CELSR1: variants seen among roughly 807,000 people sequenced by gnomAD.
CELSR1 encodes adhesion G protein-coupled receptor C1.
A neutral mutation model predicts 249.1 loss-of-function variants in CELSR1; 110 were observed. The observed-to-expected ratio is 0.44, with a 90% CI of 0.38 to 0.52. CELSR1 has a LOEUF of 0.52. CELSR1 is among the 20% of genes least tolerant of loss of function. The probability of loss-of-function intolerance (pLI) is 0.00; values close to 1 mark genes in which losing one functional copy is unlikely to be tolerated. For synonymous variants in CELSR1, 2,113 were observed against 1,900.0 expected (o/e 1.11, Z -2.92); for missense variants, 4,109 against 4,296.4 (o/e 0.96, Z 1.22).
rs188313520 is a variant in CELSR1 at position 46,363,850 on chromosome 22, C to A, written c.9035+146G>T. ...CTGACCTCAGCTGCAGCGCCTCCCC[C>A]CTCCCCCATCCCCGCCTGGGCTTCC... On this transcript the variant is annotated intron_variant, in intron 34 of 34. Coordinates refer to ENST00000674500, the MANE Select transcript of CELSR1 (RefSeq NM_001378328.1). The surrounding 1 kb of genome is among the most constrained non-coding windows in gnomAD (Gnocchi z 4.3). The A allele has an allele frequency of 2.3e-3, 2,545 of 1,129,814 alleles. 26 individuals carry two copies. The highest frequency in any genetic ancestry group is 0.021 in the South Asian group (1,233 of 58,022). The allele number at this position is 1,129,814 out of a possible 1,614,324, so 70.0% of individuals were successfully genotyped here. A position where few individuals can be genotyped will look rare whatever the true frequency, so the allele number is the denominator to read the frequency against.
rs1020391146 is a variant in CELSR1, at chr22:46,537,539, G to C, written c.-369C>G. Among the ~76,000 whole-genome samples, 35 of 147,952 alleles carry C rather than the reference G, an allele frequency of 2.4e-4. No homozygotes were observed. The highest frequency in any genetic ancestry group is 3.9e-4 in the Non-Finnish European group (26 of 66,452). On this transcript the variant is annotated 5_prime_UTR_variant, in exon 1 of 35. Transcript: ENST00000674500. This position sits in a 1 kb window ranked among gnomAD's most constrained non-coding sequence, Gnocchi z 5.8. ...AAGCGGGGCGGGCCCGGCGCGGGGC[G>C]GGGGCTGAGTTCCCGGAGCGGGCTG...
At chr22:46,394,007 G>A (rs375361785) in intron 14 of CELSR1, 135 bp downstream of exon 14, 5 of 1,166,718 alleles carry the variant, frequency 4.3e-6, no homozygotes, top group East Asian at 4.8e-5. Flanking sequence ...AATGTGATGT[G>A]AGTGGGCACA....
Position 46,536,817 on chromosome 22 carries a change from G to T in CELSR1, c.354C>A (p.Ala118=). ...GCCGGGCACCGGTTCCGCAGAGCCG[G>T]GCACGGGCTCCGCAGCCGGGAAGGT... ...RTHLPGCGAR[A]RLCGTGARLC... is the part of the protein sequence containing the mutation. Residue 118 remains alanine (A), a synonymous_variant, in exon 1 of 35, where the codon GCC becomes GCA. Transcript: ENST00000674500. 8.3e-7 allele frequency: 1 copy of T among 1,207,318 alleles called. No individual in the cohort carries two copies. The allele number at this position is 1,207,318 out of a possible 1,614,324, so 74.8% of individuals were successfully genotyped here.
intron 5 of CELSR1, among the ~76,000 whole-genome samples, chr22:46,426,855 C>A (rs898394705): frequency 9.9e-5 from 15 of 152,216 alleles, no homozygotes; most frequent in African/African-American, 3.6e-4. Flanking sequence ...CTTCGCCAGG[C>A]CCCAAACCTG....
At chr22:46,487,398 C>A (rs1238467316) in intron 1 of CELSR1, among the ~76,000 whole-genome samples, 2 of 149,136 alleles carry the variant, frequency 1.3e-5, no homozygotes, top group Non-Finnish European at 3.0e-5. Context: ...ATTAATTCAA[C>A]AAACATTTGC....
chr22:46,502,751 C>G (rs73888529), intron 1 of CELSR1, among the ~76,000 whole-genome samples: 3,194 of 152,230 alleles, frequency 0.021, 107 homozygotes, highest in African/African-American at 0.073. Flanking sequence ...GACAGATGAA[C>G]CCCATGATCA....
At chr22:46,367,202 A>G in intron 28 of CELSR1, 84 bp from the exon 29 acceptor site, 4 of 1,504,044 alleles carry the variant, frequency 2.7e-6, no homozygotes, top group Non-Finnish European at 2.7e-6. Context: ...ATGCGCATAC[A>G]GCCTTGAGTG....
Position 46,363,157 on chromosome 22 carries a change from G to C in CELSR1, c.*66C>G. The C allele has an allele frequency of 1.2e-6, 2 of 1,613,770 alleles. No individual in the cohort carries two copies. Among genetic ancestry groups the C allele is most frequent in the Non-Finnish European group, 1.7e-6 (2 of 1,179,920 alleles). The stretch of plus-strand genomic sequence containing the variant: ...AGGTCTGAGGGTGATGCCGCAGCCT[G>C]TGTGGGGTGACGGGCTTGCCTCACG... On this transcript the variant is annotated 3_prime_UTR_variant, in exon 35 of 35. Coordinates refer to ENST00000674500, the MANE Select transcript of CELSR1 (RefSeq NM_001378328.1). The surrounding 1 kb of genome is among the most constrained non-coding windows in gnomAD (Gnocchi z 4.3).
intron 27 of CELSR1, 114 bp from the exon 28 acceptor site, chr22:46,367,969 C>A: frequency 7.2e-7 from 1 of 1,380,488 alleles, no homozygotes; most frequent in Non-Finnish European, 9.8e-7. Context: ...TCTATCTGTC[C>A]GTCCACCTGT....
At chr22:46,475,875 A>C (rs4823554) in intron 1 of CELSR1, among the ~76,000 whole-genome samples, 100,518 of 151,914 alleles carry the variant, frequency 0.66, 33,852 homozygotes, top group East Asian at 0.85. Context: ...AAGTTGTTCC[A>C]TGTTATTCCA....
chr22:46,431,145 C>T (rs1370628884), intron 5 of CELSR1, among the ~76,000 whole-genome samples: 1 of 152,214 alleles, frequency 6.6e-6, no homozygotes, highest in African/African-American at 2.4e-5. Flanking sequence ...CTCTGTGTAT[C>T]TTCTTACATG....
At position 46,533,704 on chromosome 22, in the gene CELSR1, G is replaced by T; in HGVS notation, c.3467C>A (p.Ala1156Asp). The T allele has an allele frequency of 6.2e-7, 1 of 1,612,112 alleles. No individual in the cohort carries two copies. Among genetic ancestry groups the T allele is most frequent in the Non-Finnish European group, 8.5e-7 (1 of 1,179,808 alleles). Residue 1156 changes from alanine to aspartate, a missense_variant, in exon 1 of 35, where the codon GCC (alanine) becomes GAC (aspartate). Ala to Asp is a moderately radical substitution (Grantham distance 126, BLOSUM62 -2). Around this residue, in one of 7 missense-constraint regions of CELSR1, gnomAD observed 886 missense variants for 896.5 expected, o/e 0.99. Transcript: ENST00000674500. ...GCGGCTGAGCTGCAGTTCGCCCGTG[G>T]CGGGGTCCAGCAGCAACAGGCGCAG... ...NELRLLLLDP[A>D]TGELQLSRDL...
intron 13 of CELSR1, among the ~76,000 whole-genome samples, chr22:46,394,599 G>A (rs2079128969): frequency 6.6e-6 from 1 of 152,240 alleles, no homozygotes; most frequent in Non-Finnish European, 1.5e-5. Flanking sequence ...GGCAGACTGA[G>A]CTCAGCTGCC....
At chr22:46,384,132 T>C (rs2079007439) in intron 20 of CELSR1, among the ~76,000 whole-genome samples, 1 of 151,968 alleles carries the variant, frequency 6.6e-6, no homozygotes, top group African/African-American at 2.4e-5. Flanking sequence ...GACGGGGTTT[T>C]ACCACGTTGG....
rs779396515 is a variant in CELSR1, at chr22:46,463,797, C to T, written c.4093G>A (p.Asp1365Asn). Residue 1365 changes from aspartate (D) to asparagine (N), a missense_variant, in exon 2 of 35, where the codon GAC becomes AAC. By Grantham distance (23) the Asp-to-Asn change is conservative. This residue lies in a region of CELSR1 where 453 missense variants were observed against 492.0 expected (regional missense o/e 0.92). Coordinates refer to ENST00000674500, the MANE Select transcript of CELSR1 (RefSeq NM_001378328.1). ...CCGCACGGGTCGGAGTAGCAGAGGTCGATCTCCGTCTCGCAGTAGTCGCCG... is the reference window on the plus strand; with the variant it reads ...CCGCACGGGTCGGAGTAGCAGAGGTTGATCTCCGTCTCGCAGTAGTCGCCG... ...FTGDYCETEIDLCYSDPCGAN... is the reference protein window; with the variant it reads ...FTGDYCETEINLCYSDPCGAN... 16 of 1,606,280 alleles carry T rather than the reference C, an allele frequency of 1.0e-5. No individual in the cohort carries two copies. The highest frequency in any genetic ancestry group is 8.0e-5 in the African/African-American group (6 of 74,848).
In CELSR1 at chr22:46,364,705, G is replaced by A. The variant is rs1569101428; in HGVS notation, c.8586C>T (p.Gly2862=). 6.2e-7 allele frequency: 1 copy of A among 1,612,442 alleles called. No homozygotes were observed. Among genetic ancestry groups the A allele is most frequent in the Middle Eastern group, 1.6e-4 (1 of 6,062 alleles). Residue 2862 remains glycine, a synonymous_variant, in exon 33 of 35, where the codon GGC becomes GGT. Coordinates refer to ENST00000674500, the MANE Select transcript of CELSR1 (RefSeq NM_001378328.1). ...TCTCAGCCAGGCTCTGGTCGGGCCA[G>A]CCGGCCGGAACGTGGTTGGCCACAG... ...GDAVANHVPA[G]WPDQSLAESD...
At chr22:46,492,335 T>G (rs756086800) in intron 1 of CELSR1, among the ~76,000 whole-genome samples, 2 of 152,234 alleles carry the variant, frequency 1.3e-5, no homozygotes, top group Non-Finnish European at 2.9e-5. Flanking sequence ...GTGTTTCTTA[T>G]CTATGTACAC....
At chr22:46,415,940 G>T (rs893035586) in intron 5 of CELSR1, among the ~76,000 whole-genome samples, 3 of 152,212 alleles carry the variant, frequency 2.0e-5, no homozygotes, top group Admixed American at 6.5e-5. Flanking sequence ...GTGCGTCTCC[G>T]CTGAAAGGCC....
intron 1 of CELSR1, among the ~76,000 whole-genome samples, chr22:46,489,254 A>G (rs1342915324): frequency 2.0e-5 from 3 of 151,718 alleles, no homozygotes; most frequent in Non-Finnish European, 4.4e-5. Context: ...CCAGCTGGTC[A>G]TTGTCCTGGG....
Sources: allele counts gnomAD v4.1 joint callset (sites outside exome capture counted in the v4.1 genomes callset), GRCh38; gene constraint gnomAD v4.1.1; regional missense constraint gnomAD v4.1.1; non-coding constraint Gnocchi (gnomAD v3.1); transcripts MANE v1.5; gene names NCBI Gene and HGNC (gene_info 2026-07-23, HGNC 2026-07-21).